NOVA2: variants seen among roughly 807,000 people sequenced by gnomAD.
NOVA2 encodes the protein RNA-binding protein Nova-2.
Under a neutral mutation model 22.5 loss-of-function variants are expected in NOVA2, and 9 were observed. The ratio of observed to expected loss-of-function variants is 0.40; its 90% CI spans 0.24 to 0.70. The LOEUF is 0.70. Ranked by LOEUF, NOVA2 falls within the 30% of genes least tolerant of loss-of-function variation. The pLI is 0.38. For missense variants in NOVA2, 383 were observed against 682.8 expected (o/e 0.56, Z 4.89); for synonymous variants, 318 against 335.2 (o/e 0.95, Z 0.56).
rs754230347 is a variant in NOVA2, at chr19:45,936,026, C to T, written c.*3837G>A. 1 of 152,242 alleles carries T rather than the reference C, an allele frequency of 6.6e-6. No individual in the cohort carries two copies. Among genetic ancestry groups the T allele is most frequent in the Admixed American group, 6.5e-5 (1 of 15,282 alleles). The allele number at this position is 152,242 out of a possible 1,614,324, so 9.4% of individuals were successfully genotyped here. A position where few individuals can be genotyped will look rare whatever the true frequency, so the allele number is the denominator to read the frequency against. ...CATTGTCTTCTGATCACCACCCCTA[C>T]TAATTATTGCAGTGAAGCCTCCTTG... On this transcript the variant is annotated 3_prime_UTR_variant, in exon 4 of 4. Coordinates refer to ENST00000263257, the MANE Select transcript of NOVA2 (RefSeq NM_002516.4).
chr19:45,961,503 T>C (rs1968095691), intron 1 of NOVA2, among the ~76,000 whole-genome samples: 1 of 147,702 alleles, frequency 6.8e-6, no homozygotes, highest in African/African-American at 2.5e-5. Context: ...ATGGTGGGAC[T>C]CCTGATGACA....
Position 45,940,830 on chromosome 19 carries a change from T to G in NOVA2, c.512A>C (p.Glu171Ala). ...CACGCGCTCCTGCAGGTTGATGCCCTCCGGCTTCTGGGACAGCTGCACCCA... is the reference window on the plus strand; with the variant it reads ...CACGCGCTCCTGCAGGTTGATGCCCGCCGGCTTCTGGGACAGCTGCACCCA... ...GAWVQLSQKP[E>A]GINLQERVVT... The change falls in exon 4 of 4, where the codon GAG (glutamate) becomes GCG (alanine). Residue 171 changes from glutamate to alanine, a missense_variant. Transcript: ENST00000263257. 6.2e-7 allele frequency: 1 copy of G among 1,605,954 alleles called. No homozygotes were observed. The highest frequency in any genetic ancestry group is 8.5e-7 in the Non-Finnish European group (1 of 1,179,920).
At position 45,939,861 on chromosome 19, in the gene NOVA2, C is replaced by T. The variant is rs907782024; in HGVS notation, c.*2G>A. 15 of 1,614,046 alleles carry T rather than the reference C, an allele frequency of 9.3e-6. No individual in the cohort carries two copies. The Admixed American group carries it at 1.2e-4, about 13-fold the overall frequency. On this transcript the variant is annotated 3_prime_UTR_variant, in exon 4 of 4. Transcript: ENST00000263257. ...AAAGGGTGGGAGCACACACCACAGG[C>T]CTCATCCCACTTTCTGGGGGTTTGA... is the stretch of plus-strand genomic sequence containing the variant.
At chr19:45,967,177 T>C (rs952760135) in intron 1 of NOVA2, among the ~76,000 whole-genome samples, 1 of 152,042 alleles carries the variant, frequency 6.6e-6, no homozygotes, top group African/African-American at 2.4e-5. Flanking sequence ...GGAGTCCCCG[T>C]TGTGAGCATC....
chr19:45,950,003 G>A (rs916827467), intron 3 of NOVA2, among the ~76,000 whole-genome samples: 49 of 151,200 alleles, frequency 3.2e-4, no homozygotes, highest in Non-Finnish European at 1.5e-4. Context: ...GGCTTCCCAA[G>A]GTGCTGAGAT....
rs756647752 is a variant in NOVA2, at chr19:45,941,235, T to C, written c.397-290A>G. ...TGAACCCAGGAGAGGGAGGATGCAG[T>C]GAGCTGAGCTCGTGCCAAATTGCAC... is the stretch of plus-strand genomic sequence containing the variant. On this transcript the variant is annotated intron_variant, in intron 3 of 3. Transcript: ENST00000263257. 1.6e-3 allele frequency among the ~76,000 whole-genome samples: 241 copies of C among 151,912 alleles called. 1 individual carries two copies. Among genetic ancestry groups the C allele is most frequent in the Middle Eastern group, 3.4e-3 (1 of 294 alleles).
At chr19:45,948,184 C>G (rs1967869523) in intron 3 of NOVA2, among the ~76,000 whole-genome samples, 2 of 152,094 alleles carry the variant, frequency 1.3e-5, no homozygotes, top group Admixed American at 6.6e-5. Context: ...CTGCTTGGCC[C>G]TGTGGGTGAA....
In NOVA2 at chr19:45,968,610, G is replaced by T. The variant is rs185199771; in HGVS notation, c.85+4657C>A. ...TAATAATAATGATGATGATGATGATGATAGCGACTGTTTACTGAGCACTTA... is the reference window on the plus strand; with the variant it reads ...TAATAATAATGATGATGATGATGATTATAGCGACTGTTTACTGAGCACTTA... On this transcript the variant is annotated intron_variant, in intron 1 of 3. Coordinates refer to ENST00000263257, the MANE Select transcript of NOVA2 (RefSeq NM_002516.4). 3.1e-3 allele frequency among the ~76,000 whole-genome samples: 470 copies of T among 152,030 alleles called. 3 individuals carry two copies. Among genetic ancestry groups the T allele is most frequent in the African/African-American group, 0.011 (439 of 41,442 alleles).
chr19:45,966,439 T>G (rs1968168598), intron 1 of NOVA2, among the ~76,000 whole-genome samples: 1 of 152,180 alleles, frequency 6.6e-6, no homozygotes, highest in African/African-American at 2.4e-5. Context: ...ATTTATTTAT[T>G]GTATTTTTAG....
intron 1 of NOVA2, among the ~76,000 whole-genome samples, chr19:45,966,002 A>G (rs953282019): frequency 1.3e-5 from 2 of 152,224 alleles, no homozygotes; most frequent in Non-Finnish European, 2.9e-5. Flanking sequence ...ACAGCATCAG[A>G]CACAGAGCAA....
chr19:45,953,041 G>T (rs943179913), intron 3 of NOVA2, among the ~76,000 whole-genome samples: 1 of 152,222 alleles, frequency 6.6e-6, no homozygotes, highest in East Asian at 1.9e-4. Flanking sequence ...GAGTGGGGAC[G>T]GGAGAGAAAA....
At chr19:45,960,638 G>A (rs1968080877) in intron 2 of NOVA2, among the ~76,000 whole-genome samples, 1 of 151,928 alleles carries the variant, frequency 6.6e-6, no homozygotes, top group Admixed American at 6.6e-5. Flanking sequence ...GGGGGAGCAA[G>A]TGTGTGGAAC....
At chr19:45,968,308 T>C (rs1414521562) in intron 1 of NOVA2, among the ~76,000 whole-genome samples, 3 of 151,246 alleles carry the variant, frequency 2.0e-5, no homozygotes, top group Non-Finnish European at 4.4e-5. Context: ...GTGGGGATGC[T>C]GCTGGCAGAG....
At chr19:45,971,420 G>C (rs1325669148) in intron 1 of NOVA2, among the ~76,000 whole-genome samples, 1 of 152,016 alleles carries the variant, frequency 6.6e-6, no homozygotes, top group Non-Finnish European at 1.5e-5. Context: ...GAAGGAAGTC[G>C]GGGACATATT....
chr19:45,943,053 CTTTTT>C (rs58123743), intron 3 of NOVA2, among the ~76,000 whole-genome samples: 1 of 117,572 alleles, frequency 8.5e-6, no homozygotes, highest in Non-Finnish European at 1.8e-5. Context: ...TATATGTCTA[CTTTTT>C]TTTTTTTTTT....
At chr19:45,958,629 G>A (rs1336786123) in intron 2 of NOVA2, among the ~76,000 whole-genome samples, 1 of 151,774 alleles carries the variant, frequency 6.6e-6, no homozygotes, top group Non-Finnish European at 1.5e-5. Context: ...GTGTGTGAGT[G>A]TGAGCGTGTG....
chr19:45,939,602 G>A lies in NOVA2; in HGVS notation c.*261C>T. The A allele has an allele frequency of 5.7e-6, 3 of 526,200 alleles. No individual in the cohort carries two copies. The highest frequency in any genetic ancestry group is 1.0e-5 in the Non-Finnish European group (3 of 296,146). 32.6% of individuals were successfully genotyped at this position (526,200 alleles called of 1,614,324 possible). ...ACAGACCTGGGCCCTGGGACAGGAA[G>A]GGTCAGGCCCAGCCAAGCACAGGGA... On this transcript the variant is annotated 3_prime_UTR_variant, in exon 4 of 4. Transcript: ENST00000263257.
At chr19:45,941,690 A>G (rs1462911281) in intron 3 of NOVA2, among the ~76,000 whole-genome samples, 1 of 152,164 alleles carries the variant, frequency 6.6e-6, no homozygotes, top group Non-Finnish European at 1.5e-5. Flanking sequence ...TGAGCCCAGG[A>G]GTTTGAGACC....
chr19:45,965,631 G>A (rs777869219), intron 1 of NOVA2, among the ~76,000 whole-genome samples: 33 of 152,164 alleles, frequency 2.2e-4, no homozygotes, highest in Non-Finnish European at 4.1e-4. Flanking sequence ...TCGGGAGGCT[G>A]GGGCAGGAGA....
Sources: allele counts gnomAD v4.1 joint callset (sites outside exome capture counted in the v4.1 genomes callset), GRCh38; gene constraint gnomAD v4.1.1; transcripts MANE v1.5; gene names NCBI Gene and HGNC (gene_info 2026-07-23, HGNC 2026-07-21).